MGAT5: variants seen among roughly 807,000 people sequenced by gnomAD.
MGAT5 encodes alpha-1,6-mannosylglycoprotein 6-beta-N-acetylglucosaminyltransferase, also known as alpha-1,6-mannosylglycoprotein 6-beta-N-acetylglucosaminyltransferase A.
MGAT5 carries 30 observed loss-of-function variants against 94.3 expected under a neutral mutation model. That is an observed-to-expected ratio of 0.32 (90% CI 0.24 to 0.43). MGAT5 has a LOEUF of 0.43. Among genes scored for constraint, MGAT5 ranks in the 20% least tolerant of loss-of-function variants. MGAT5 has a pLI of 1.00. For synonymous variants in MGAT5, 310 were observed against 322.9 expected (o/e 0.96, Z 0.43); for missense variants, 691 against 905.5 (o/e 0.76, Z 3.04).
intron 9 of MGAT5, among the ~76,000 whole-genome samples, chr2:134,351,786 A>C (rs1171735608): frequency 6.6e-6 from 1 of 152,188 alleles, no homozygotes; most frequent in African/African-American, 2.4e-5. Flanking sequence ...CATCATAAGC[A>C]AATCATGTCA....
At chr2:134,145,757 A>T (rs1686889106) in intron 1 of MGAT5, among the ~76,000 whole-genome samples, 1 of 150,090 alleles carries the variant, frequency 6.7e-6, no homozygotes, top group South Asian at 2.1e-4. Context: ...AAAGTTGAAG[A>T]GGTGCTAATC....
chr2:134,317,737 T>C, intron 3 of MGAT5, 132 bp downstream of exon 3: 2 of 532,952 alleles, frequency 3.8e-6, no homozygotes, highest in Middle Eastern at 2.8e-4. Flanking sequence ...GGTGCCTCCA[T>C]CCTGCCGGCT....
chr2:134,158,773 T>C (rs1038288776), intron 1 of MGAT5, among the ~76,000 whole-genome samples: 11 of 152,208 alleles, frequency 7.2e-5, no homozygotes, highest in Admixed American at 5.2e-4. Flanking sequence ...CCATCACTAC[T>C]ACTGTCTCCC....
At position 134,452,512 on chromosome 2, in the gene MGAT5, T is replaced by G. The variant is rs1686158275; in HGVS notation, c.*3665T>G. 1 of 152,228 alleles carries G rather than the reference T, an allele frequency of 6.6e-6. No individual in the cohort carries two copies. 9.4% of individuals were successfully genotyped at this position (152,228 alleles called of 1,614,324 possible). On this transcript the variant is annotated 3_prime_UTR_variant, in exon 16 of 16. Transcript: ENST00000281923. ...CTTTGGGAGTGGAGCCCAGTGCAGCTCACTGACAGGGTTGACATCAGTATG... is the reference window on the plus strand; with the variant it reads ...CTTTGGGAGTGGAGCCCAGTGCAGCGCACTGACAGGGTTGACATCAGTATG...
chr2:134,317,123 G>A (rs1687041386), intron 2 of MGAT5, among the ~76,000 whole-genome samples: 1 of 152,170 alleles, frequency 6.6e-6, no homozygotes, highest in Non-Finnish European at 1.5e-5. Context: ...CACGAGGTCT[G>A]TTCATGGCCC....
rs1447319846 is a variant in MGAT5, at chr2:134,410,239, TG to T, written c.1531-2629del. ...AAGTTTACAGAGTGCTGTTTGGTGG[TG>T]ATGAACTCTCTCCGCCTGTTGTGTT... On this transcript the variant is annotated intron_variant, in intron 11 of 15. Transcript: ENST00000281923. Among the ~76,000 whole-genome samples the T allele has an allele frequency of 2.0e-5, 3 of 152,322 alleles. No homozygotes were observed. In the East Asian group the frequency reaches 5.8e-4, roughly 29 times the overall value.
intron 1 of MGAT5, among the ~76,000 whole-genome samples, chr2:134,220,355 C>T (rs900879515): frequency 1.3e-5 from 2 of 152,188 alleles, no homozygotes; most frequent in South Asian, 4.2e-4. Flanking sequence ...CCTGTCTCTG[C>T]CATAAATGGC....
intron 5 of MGAT5, among the ~76,000 whole-genome samples, chr2:134,337,562 T>G (rs1688403061): frequency 6.6e-6 from 1 of 152,188 alleles, no homozygotes; most frequent in Non-Finnish European, 1.5e-5. Context: ...GTTTGAGATG[T>G]TCTATGAAAT....
chr2:134,346,199 C>G (rs552273798), intron 8 of MGAT5, among the ~76,000 whole-genome samples: 31 of 152,020 alleles, frequency 2.0e-4, no homozygotes, highest in Admixed American at 9.8e-4. Context: ...TATAGGCTTC[C>G]CTTGACTCAC....
intron 9 of MGAT5, among the ~76,000 whole-genome samples, chr2:134,358,192 T>C (rs1420723430): frequency 6.6e-6 from 1 of 151,206 alleles, no homozygotes; most frequent in African/African-American, 2.4e-5. Flanking sequence ...ACTCCACCTT[T>C]TTTTTTTTTT....
chr2:134,217,270 T>TGTGTGTGTGTGTGTGTGTG (rs1553495169), intron 1 of MGAT5, among the ~76,000 whole-genome samples: 1 of 151,126 alleles, frequency 6.6e-6, no homozygotes, highest in African/African-American at 2.4e-5. Flanking sequence ...TGTGTGTGTG[T>TGTGTGTGTGTGTGTGTGTG]AAAATATACC....
chr2:134,381,575 A>G (rs1024948348), intron 10 of MGAT5, among the ~76,000 whole-genome samples: 2 of 120,264 alleles, frequency 1.7e-5, no homozygotes, highest in Admixed American at 1.7e-4. Context: ...AGCCTGGGCA[A>G]CATAGCAAGA....
rs1412569391 is a variant in MGAT5, at chr2:134,347,310, T to G, written c.1112+2246T>G. ...GTAAAAGGATGTCGAATTATAAATT[T>G]CTGAGAGACATCCGATCATTCCATT... On this transcript the variant is annotated intron_variant, in intron 8 of 15. Coordinates refer to ENST00000281923, the MANE Select transcript of MGAT5 (RefSeq NM_002410.5). Among the ~76,000 whole-genome samples, 2 of 152,154 alleles carry G rather than the reference T, an allele frequency of 1.3e-5. 1 individual carries two copies. The highest frequency in any genetic ancestry group is 6.3e-3 in the Middle Eastern group (2 of 316).
chr2:134,237,125 G>GTATATGTGTA (rs1681682281), intron 1 of MGAT5, among the ~76,000 whole-genome samples: 1 of 90,940 alleles, frequency 1.1e-5, no homozygotes, highest in Non-Finnish European at 3.0e-5. Context: ...AGGAGTATAT[G>GTATATGTGTA]TGTGTGTGTG....
intron 1 of MGAT5, among the ~76,000 whole-genome samples, chr2:134,193,112 ATTTTTAT>A (rs1232130844): frequency 6.9e-6 from 1 of 145,446 alleles, no homozygotes; most frequent in Non-Finnish European, 1.5e-5. Flanking sequence ...CTTTATTTTT[ATTTTTAT>A]TTTTTATTTT....
intron 10 of MGAT5, among the ~76,000 whole-genome samples, chr2:134,383,436 A>G (rs1681754198): frequency 6.6e-6 from 1 of 152,228 alleles, no homozygotes; most frequent in African/African-American, 2.4e-5. Context: ...TCCAATTTAA[A>G]TCAAGCACTG....
At chr2:134,121,531 G>A (rs1685590521) in intron 1 of MGAT5, among the ~76,000 whole-genome samples, 1 of 152,206 alleles carries the variant, frequency 6.6e-6, no homozygotes, top group Non-Finnish European at 1.5e-5. Context: ...GGGCGATGTG[G>A]ATGGATTTGG....
intron 1 of MGAT5, among the ~76,000 whole-genome samples, chr2:134,192,260 C>A (rs1679261390): frequency 6.6e-6 from 1 of 152,084 alleles, no homozygotes; most frequent in Admixed American, 6.5e-5. Flanking sequence ...TTTTCTCTTC[C>A]TCCTCCTTTT....
intron 4 of MGAT5, among the ~76,000 whole-genome samples, chr2:134,327,820 T>A (rs1432846041): frequency 6.6e-6 from 1 of 152,166 alleles, no homozygotes; most frequent in Admixed American, 6.5e-5. Flanking sequence ...CACAGCTTTC[T>A]TGCCCATTTT....
Sources: gnomAD v4.1 joint callset for allele counts (sites outside exome capture counted in the v4.1 genomes callset) on GRCh38, gnomAD v4.1.1 for gene constraint, MANE v1.5 for transcripts, NCBI Gene and HGNC (gene_info 2026-07-23, HGNC 2026-07-21) for gene names.